The following HOMER1 variants were observed in gnomAD, a reference collection of about 807,000 sequenced individuals.
The protein encoded by HOMER1 is homer protein homolog 1.
HOMER1 carries 3 observed loss-of-function variants against 48.9 expected under a neutral mutation model. The observed-to-expected ratio is 0.06, with a 90% CI of 0.03 to 0.16. The LOEUF is 0.16. Among genes scored for constraint, HOMER1 ranks in the 10% least tolerant of loss-of-function variants. The probability of loss-of-function intolerance (pLI) is 1.00; values close to 1 mark genes in which losing one functional copy is unlikely to be tolerated. For synonymous variants in HOMER1, 134 were observed against 146.4 expected (o/e 0.92, Z 0.61); for missense variants, 247 against 411.4 (o/e 0.60, Z 3.46).
At chr5:79,404,790 G>T (rs62363109) in intron 5 of HOMER1, among the ~76,000 whole-genome samples, 1 of 151,840 alleles carries the variant, frequency 6.6e-6, no homozygotes, top group African/African-American at 2.4e-5. Context: ...TGCAACCTCC[G>T]CCTTCCAGGT....
At chr5:79,492,183 G>C (rs1407433080) in intron 1 of HOMER1, among the ~76,000 whole-genome samples, 1 of 151,992 alleles carries the variant, frequency 6.6e-6, no homozygotes, top group African/African-American at 2.4e-5. Flanking sequence ...AACTACTTCT[G>C]TCATTTAACA....
intron 1 of HOMER1, among the ~76,000 whole-genome samples, chr5:79,506,849 C>CAA (rs895326142): frequency 1.5e-5 from 2 of 135,286 alleles, no homozygotes; most frequent in Admixed American, 7.0e-5. Flanking sequence ...ACCAAACAAA[C>CAA]AAAAAAATAT....
At chr5:79,436,879 C>T (rs1450968569) in intron 5 of HOMER1, among the ~76,000 whole-genome samples, 1 of 152,224 alleles carries the variant, frequency 6.6e-6, no homozygotes, top group Non-Finnish European at 1.5e-5. Flanking sequence ...CAGAGAATGT[C>T]TTAAAAAAAT....
At chr5:79,460,513 A>T (rs757644246) in intron 1 of HOMER1, among the ~76,000 whole-genome samples, 1 of 152,182 alleles carries the variant, frequency 6.6e-6, no homozygotes. Context: ...GAACCTTACT[A>T]AAGAATCGCA....
chr5:79,451,634 C>T (rs374352371), intron 2 of HOMER1, among the ~76,000 whole-genome samples: 113 of 133,654 alleles, frequency 8.5e-4, no homozygotes, highest in African/African-American at 3.2e-3. Context: ...GGCGTGATCT[C>T]GGCTAACTGC....
chr5:79,504,394 T>C (rs1752689737), intron 1 of HOMER1, among the ~76,000 whole-genome samples: 2 of 138,888 alleles, frequency 1.4e-5, no homozygotes, highest in South Asian at 4.4e-4. Flanking sequence ...ACAGCACTGT[T>C]TTACAAAAGA....
At chr5:79,465,751 C>A (rs968429759) in intron 1 of HOMER1, among the ~76,000 whole-genome samples, 7 of 151,804 alleles carry the variant, frequency 4.6e-5, no homozygotes, top group African/African-American at 1.7e-4. Flanking sequence ...CGTCACCACA[C>A]CCTGCTAATT....
At chr5:79,452,561 A>G (rs1182848392) in intron 2 of HOMER1, among the ~76,000 whole-genome samples, 1 of 152,208 alleles carries the variant, frequency 6.6e-6, no homozygotes, top group African/African-American at 2.4e-5. Flanking sequence ...TTTGCTTACC[A>G]TGTGAGCATT....
chr5:79,384,675 CCAGACAAAGATACAA>C (rs1749064577), intron 8 of HOMER1, among the ~76,000 whole-genome samples: 1 of 152,062 alleles, frequency 6.6e-6, no homozygotes, highest in Non-Finnish European at 1.5e-5. Context: ...ATACCAAAAA[CCAGACAAAGATACAA>C]CAAAAAAAGA....
intron 7 of HOMER1, among the ~76,000 whole-genome samples, 186 bp from the exon 8 acceptor site, chr5:79,397,089 A>T (rs992457276): frequency 6.6e-6 from 1 of 152,232 alleles, no homozygotes; most frequent in Non-Finnish European, 1.5e-5. Flanking sequence ...AATCTTAAGC[A>T]ACAGCAACAA....
chr5:79,378,195 C>T (rs954843434), intron 8 of HOMER1, among the ~76,000 whole-genome samples: 1 of 133,308 alleles, frequency 7.5e-6, no homozygotes, highest in Non-Finnish European at 1.5e-5. Context: ...CTCCAGCCGC[C>T]TGGGGTGACA....
chr5:79,421,858 T>G (rs1347172208), intron 5 of HOMER1, among the ~76,000 whole-genome samples: 1 of 152,144 alleles, frequency 6.6e-6, no homozygotes, highest in East Asian at 1.9e-4. Flanking sequence ...TCAGCCTGGC[T>G]CAGGCTCCCA....
chr5:79,372,885 T>G lies in HOMER1; in HGVS notation c.*3124A>C, dbSNP rs542864338. 1 of 152,226 alleles carries G rather than the reference T, an allele frequency of 6.6e-6. No homozygotes were observed. The highest frequency in any genetic ancestry group is 2.4e-5 in the African/African-American group (1 of 41,518). 9.4% of individuals were successfully genotyped at this position (152,226 alleles called of 1,614,324 possible). A position where few individuals can be genotyped will look rare whatever the true frequency, so the allele number is the denominator to read the frequency against. ...GTTGGCTTAATTTTGAGTGTTCCTT[T>G]TATTTCCACCTGAAAAAAAAAGTGA... On this transcript the variant is annotated 3_prime_UTR_variant, in exon 9 of 9. Transcript: ENST00000334082.
At chr5:79,387,861 G>C (rs954203123) in intron 8 of HOMER1, among the ~76,000 whole-genome samples, 3 of 152,090 alleles carry the variant, frequency 2.0e-5, no homozygotes, top group African/African-American at 4.8e-5. Flanking sequence ...CTATACAAAG[G>C]CATGCAAATT....
intron 1 of HOMER1, among the ~76,000 whole-genome samples, chr5:79,488,522 C>G (rs1042390625): frequency 3.3e-5 from 5 of 152,120 alleles, no homozygotes; most frequent in Non-Finnish European, 7.4e-5. Context: ...TTAAGAGCCC[C>G]AAATCAAACA....
At chr5:79,435,085 TTCTC>T (rs995203862) in intron 5 of HOMER1, among the ~76,000 whole-genome samples, 1 of 152,208 alleles carries the variant, frequency 6.6e-6, no homozygotes, top group Non-Finnish European at 1.5e-5. Flanking sequence ...TTATAGTATT[TTCTC>T]TCTGATGTAT....
chr5:79,457,759 T>C (rs1326109823), intron 1 of HOMER1, among the ~76,000 whole-genome samples: 1 of 152,178 alleles, frequency 6.6e-6, no homozygotes, highest in African/African-American at 2.4e-5. Flanking sequence ...TGACACAGTA[T>C]TTTTCCCTAA....
intron 1 of HOMER1, among the ~76,000 whole-genome samples, chr5:79,501,722 A>C (rs1209942065): frequency 6.6e-6 from 1 of 152,218 alleles, no homozygotes; most frequent in Non-Finnish European, 1.5e-5. Context: ...TAATGGTAAG[A>C]GCCCCAAGGA....
At chr5:79,390,669 T>C (rs534292564) in intron 8 of HOMER1, among the ~76,000 whole-genome samples, 96 of 152,184 alleles carry the variant, frequency 6.3e-4, no homozygotes, top group Admixed American at 1.8e-3. Flanking sequence ...TAAAAACTGA[T>C]AAAATATTAT....
Sources: allele counts gnomAD v4.1 joint callset (sites outside exome capture counted in the v4.1 genomes callset), GRCh38; gene constraint gnomAD v4.1.1; transcripts MANE v1.5; gene names NCBI Gene and HGNC (gene_info 2026-07-23, HGNC 2026-07-21).